Variants in NRG4 observed in about 807,000 individuals in gnomAD.
NRG4 encodes the protein pro-neuregulin-4, membrane-bound isoform.
A neutral mutation model predicts 15.0 loss-of-function variants in NRG4; 10 were observed. The observed-to-expected ratio is 0.67, with a 90% CI of 0.41 to 1.13. The LOEUF (loss-of-function observed/expected upper bound fraction) is 1.13, where lower values mean the gene tolerates loss of function less well. NRG4 is among the 50% of genes most tolerant of loss of function. The pLI, the probability that NRG4 is intolerant of heterozygous loss-of-function variation, is 0.00. For missense variants in NRG4, 139 were observed against 140.2 expected (o/e 0.99, Z 0.04); for synonymous variants, 41 against 50.1 (o/e 0.82, Z 0.77).
At chr15:75,947,871 C>A (rs896903780) in intron 5 of NRG4, among the ~76,000 whole-genome samples, 1 of 152,168 alleles carries the variant, frequency 6.6e-6, no homozygotes, top group Non-Finnish European at 1.5e-5. Flanking sequence ...AGTGGTACCT[C>A]ATTGTGGTTT....
intron 4 of NRG4, among the ~76,000 whole-genome samples, chr15:75,960,927 C>T (rs2032484782): frequency 6.6e-6 from 1 of 152,030 alleles, no homozygotes; most frequent in African/African-American, 2.4e-5. Flanking sequence ...TATTTAATAC[C>T]ACATATTTTT....
chr15:75,956,086 GTTT>G (rs10711025), intron 4 of NRG4, 75 bp from the exon 5 acceptor site: 5 of 486,520 alleles, frequency 1.0e-5, no homozygotes, highest in Non-Finnish European at 1.5e-5. Context: ...TAGAAAGAAA[GTTT>G]TTTTTTTTTA....
chr15:75,948,577 G>C lies in NRG4; in HGVS notation c.332-4923C>G, dbSNP rs377241344. Among the ~76,000 whole-genome samples, 31 of 61,856 alleles carry C rather than the reference G, an allele frequency of 5.0e-4. No individual in the cohort carries two copies. In the East Asian group the frequency reaches 0.017, roughly 33 times the overall value. The allele number at this position is 61,856 out of a possible 152,430, so 40.6% of individuals were successfully genotyped here. On this transcript the variant is annotated intron_variant, in intron 5 of 5. Transcript: ENST00000394907. ...GCCTCCCAAAGTGCTGGGATTACAGGCATGAGTCACTGCGCCGCCCGGCCC... is the reference window on the plus strand; with the variant it reads ...GCCTCCCAAAGTGCTGGGATTACAGCCATGAGTCACTGCGCCGCCCGGCCC...
At position 75,950,041 on chromosome 15, in the gene NRG4, C is replaced by A. The variant is rs556987645; in HGVS notation, c.331+5891G>T. ...TGGGATTTTGTCTGGGATAGCACTG[C>A]ATCTATATAGGTCAATTTGAGAACT... is the stretch of plus-strand genomic sequence containing the variant. On this transcript the variant is annotated intron_variant, in intron 5 of 5. Transcript: ENST00000394907. Among the ~76,000 whole-genome samples, 268 of 152,316 alleles carry A rather than the reference C, an allele frequency of 1.8e-3. 3 individuals carry two copies. Among genetic ancestry groups the A allele is most frequent in the African/African-American group, 6.0e-3 (250 of 41,568 alleles).
At chr15:75,978,102 C>T (rs2033447193) in intron 3 of NRG4, among the ~76,000 whole-genome samples, 1 of 152,196 alleles carries the variant, frequency 6.6e-6, no homozygotes, top group African/African-American at 2.4e-5. Flanking sequence ...CAGGCATGAG[C>T]TACCGTGCCC....
intron 5 of NRG4, among the ~76,000 whole-genome samples, chr15:76,017,855 GA>G (rs1479956463): frequency 6.6e-6 from 1 of 152,094 alleles, no homozygotes; most frequent in East Asian, 1.9e-4. Context: ...GGTATTTCCT[GA>G]ATTTTAATGT....
At chr15:75,943,768 T>C in intron 5 of NRG4, 114 bp from the exon 6 acceptor site, 1 of 703,432 alleles carries the variant, frequency 1.4e-6, no homozygotes, top group African/African-American at 1.8e-5. Flanking sequence ...CCCCTTCTGT[T>C]TGTGATAGGA....
At chr15:75,973,339 C>A (rs982930941) in intron 3 of NRG4, among the ~76,000 whole-genome samples, 2 of 152,190 alleles carry the variant, frequency 1.3e-5, no homozygotes, top group Non-Finnish European at 2.9e-5. Context: ...TCCTCTCTTC[C>A]TATTTGAATA....
At chr15:75,970,734 G>A (rs2033053422) in intron 3 of NRG4, among the ~76,000 whole-genome samples, 1 of 152,260 alleles carries the variant, frequency 6.6e-6, no homozygotes, top group South Asian at 2.1e-4. Context: ...ATGGAGGAAA[G>A]TGAGACAGCA....
intron 3 of NRG4, among the ~76,000 whole-genome samples, chr15:76,002,386 A>G (rs902849438): frequency 2.0e-5 from 3 of 152,210 alleles, no homozygotes; most frequent in Non-Finnish European, 4.4e-5. Context: ...AGATACTTAA[A>G]TAGCCAATAA....
chr15:76,001,939 C>A (rs894118675), intron 3 of NRG4, among the ~76,000 whole-genome samples: 6 of 152,138 alleles, frequency 3.9e-5, no homozygotes, highest in African/African-American at 1.4e-4. Context: ...GGATACAAAG[C>A]TTAGCTCAAA....
intron 4 of NRG4, among the ~76,000 whole-genome samples, chr15:76,040,185 T>C (rs1451446760): frequency 6.6e-6 from 1 of 151,902 alleles, no homozygotes; most frequent in African/African-American, 2.4e-5. Flanking sequence ...AAGAAACAAA[T>C]AACATACAAT....
chr15:76,007,758 G>T (rs2141904103), intron 3 of NRG4, among the ~76,000 whole-genome samples: 1 of 152,146 alleles, frequency 6.6e-6, no homozygotes, highest in Non-Finnish European at 1.5e-5. Flanking sequence ...AAGCATTCTT[G>T]TTTTATTTTA....
chr15:75,980,794 T>C (rs1182223259), intron 3 of NRG4, among the ~76,000 whole-genome samples: 1 of 152,090 alleles, frequency 6.6e-6, no homozygotes, highest in African/African-American at 2.4e-5. Context: ...TAAATTGATT[T>C]CTACTATTAT....
At chr15:76,021,367 T>G (rs1567115320) in intron 5 of NRG4, among the ~76,000 whole-genome samples, 1 of 152,264 alleles carries the variant, frequency 6.6e-6, no homozygotes, top group Non-Finnish European at 1.5e-5. Flanking sequence ...ATATACATTA[T>G]TTTTTAGACA....
chr15:76,057,913 G>T (rs2036192556), intron 1 of NRG4, among the ~76,000 whole-genome samples: 1 of 151,652 alleles, frequency 6.6e-6, no homozygotes, highest in Non-Finnish European at 1.5e-5. Context: ...GAAGTCGCAT[G>T]AACCCGAATT....
intron 5 of NRG4, among the ~76,000 whole-genome samples, chr15:76,022,336 C>T (rs2141929074): frequency 6.6e-6 from 1 of 152,150 alleles, no homozygotes; most frequent in Non-Finnish European, 1.5e-5. Context: ...TAGGCTGATT[C>T]ATATAAAGCA....
chr15:75,963,402 G>C (rs904075282), intron 3 of NRG4, among the ~76,000 whole-genome samples: 1 of 152,108 alleles, frequency 6.6e-6, no homozygotes, highest in African/African-American at 2.4e-5. Context: ...CCAGCACTTT[G>C]GGAGGCTGAG....
intron 3 of NRG4, among the ~76,000 whole-genome samples, chr15:75,967,456 A>ATTTTTTTTTT (rs71140189): frequency 4.0e-5 from 4 of 100,204 alleles, no homozygotes; most frequent in Non-Finnish European, 5.8e-5. Flanking sequence ...AAAATCTTAG[A>ATTTTTTTTTT]TTTTTTTTTT....
Sources: gnomAD v4.1 joint callset for allele counts (sites outside exome capture counted in the v4.1 genomes callset) on GRCh38, gnomAD v4.1.1 for gene constraint, MANE v1.5 for transcripts, NCBI Gene and HGNC (gene_info 2026-07-23, HGNC 2026-07-21) for gene names.